The following ASAP1 variants were observed in gnomAD, a reference collection of about 807,000 sequenced individuals.
The protein encoded by ASAP1 is ArfGAP with SH3 domain, ankyrin repeat and PH domain 1, also known as arf-GAP with SH3 domain, ANK repeat and PH domain-containing protein 1.
Under a neutral mutation model 145.2 loss-of-function variants are expected in ASAP1, and 43 were observed. That is an observed-to-expected ratio of 0.30 (90% CI 0.23 to 0.38). The LOEUF (loss-of-function observed/expected upper bound fraction) is 0.38. ASAP1 is among the 10% of genes least tolerant of loss of function. The probability of loss-of-function intolerance (pLI) is 1.00; values close to 1 mark genes in which losing one functional copy is unlikely to be tolerated. For missense variants in ASAP1, 1,018 were observed against 1,355.3 expected (o/e 0.75, Z 3.91); for synonymous variants, 546 against 515.5 (o/e 1.06, Z -0.80).
intron 1 of ASAP1, among the ~76,000 whole-genome samples, chr8:130,415,256 G>T (rs1829426621): frequency 6.6e-6 from 1 of 151,352 alleles, no homozygotes; most frequent in African/African-American, 2.5e-5. Context: ...ATAGCTTGAG[G>T]CTAGGAGTTC....
intron 3 of ASAP1, among the ~76,000 whole-genome samples, chr8:130,303,300 T>C (rs1455910173): frequency 2.0e-5 from 3 of 152,238 alleles, no homozygotes; most frequent in African/African-American, 4.8e-5. Context: ...CCTAAAATAC[T>C]TTCTTTATAC....
intron 24 of ASAP1, among the ~76,000 whole-genome samples, chr8:130,105,342 C>T (rs2097535208): frequency 6.6e-6 from 1 of 152,160 alleles, no homozygotes; most frequent in South Asian, 2.1e-4. Flanking sequence ...AGGTTATATG[C>T]AAATACTGCA....
At chr8:130,387,710 T>C (rs1452370574) in intron 2 of ASAP1, among the ~76,000 whole-genome samples, 1 of 150,722 alleles carries the variant, frequency 6.6e-6, no homozygotes, top group African/African-American at 2.4e-5. Flanking sequence ...CACTTGTATA[T>C]ATATATGAAA....
chr8:130,289,311 T>C (rs985174429), intron 3 of ASAP1, among the ~76,000 whole-genome samples: 1 of 152,198 alleles, frequency 6.6e-6, no homozygotes, highest in Non-Finnish European at 1.5e-5. Context: ...AACAAAAACA[T>C]GCACAGAAAA....
At chr8:130,425,354 T>C (rs901445605) in intron 1 of ASAP1, among the ~76,000 whole-genome samples, 1 of 148,434 alleles carries the variant, frequency 6.7e-6, no homozygotes, top group Non-Finnish European at 1.5e-5. Flanking sequence ...TATATGTAAA[T>C]AAAAATACAA....
intron 3 of ASAP1, among the ~76,000 whole-genome samples, chr8:130,257,484 C>T (rs1292474014): frequency 6.6e-6 from 1 of 152,044 alleles, no homozygotes; most frequent in East Asian, 1.9e-4. Context: ...ACTTCATAAG[C>T]TTCTGTTTTA....
chr8:130,167,711 CTATTA>C (rs2097682791), intron 10 of ASAP1, 89 bp from the exon 11 acceptor site: 2 of 933,572 alleles, frequency 2.1e-6, no homozygotes, highest in Non-Finnish European at 3.4e-6. Flanking sequence ...CATCAAAATT[CTATTA>C]TATATTTGGT....
chr8:130,437,636 T>G (rs932758757), intron 1 of ASAP1, among the ~76,000 whole-genome samples: 3 of 152,192 alleles, frequency 2.0e-5, no homozygotes, highest in Non-Finnish European at 4.4e-5. Flanking sequence ...TACAATGAAA[T>G]AGGCACACAG....
At chr8:130,155,146 G>A (rs2097655647) in intron 12 of ASAP1, among the ~76,000 whole-genome samples, 1 of 152,076 alleles carries the variant, frequency 6.6e-6, no homozygotes, top group Non-Finnish European at 1.5e-5. Flanking sequence ...ATTTTATTAA[G>A]TCTTTACTCA....
At chr8:130,238,013 C>A (rs569389654) in intron 3 of ASAP1, among the ~76,000 whole-genome samples, 1 of 152,190 alleles carries the variant, frequency 6.6e-6, no homozygotes, top group South Asian at 2.1e-4. Context: ...ATCATCTAAA[C>A]CTCAGAACTT....
At chr8:130,208,105 A>G (rs369115421) in intron 5 of ASAP1, among the ~76,000 whole-genome samples, 2 of 152,366 alleles carry the variant, frequency 1.3e-5, no homozygotes, top group East Asian at 1.9e-4. Flanking sequence ...AAAAAATTAT[A>G]GACTCACCAA....
intron 15 of ASAP1, among the ~76,000 whole-genome samples, chr8:130,132,124 T>C (rs1361931002): frequency 1.3e-5 from 2 of 152,194 alleles, no homozygotes; most frequent in African/African-American, 4.8e-5. Flanking sequence ...TGGAATTCTA[T>C]CTGGGTTCAA....
chr8:130,288,817 A>T (rs1448905315), intron 3 of ASAP1, among the ~76,000 whole-genome samples: 1 of 152,238 alleles, frequency 6.6e-6, no homozygotes, highest in Non-Finnish European at 1.5e-5. Flanking sequence ...GACAAATAAC[A>T]ATGTCCAATG....
At chr8:130,071,901 TATG>T in intron 27 of ASAP1, among the ~76,000 whole-genome samples, 1 of 152,256 alleles carries the variant, frequency 6.6e-6, no homozygotes, top group East Asian at 1.9e-4. Flanking sequence ...GCTGTGGTGC[TATG>T]ATATGTATTA....
At chr8:130,080,065 G>A (rs964928263) in intron 25 of ASAP1, 94 bp from the exon 26 acceptor site, 28 of 1,134,096 alleles carry the variant, frequency 2.5e-5, no homozygotes, top group East Asian at 4.8e-5. Flanking sequence ...CATTGCTCAG[G>A]TTCCAGAACG....
intron 3 of ASAP1, among the ~76,000 whole-genome samples, chr8:130,266,399 G>C (rs1005967681): frequency 7.2e-5 from 11 of 152,070 alleles, no homozygotes; most frequent in South Asian, 6.2e-4. Context: ...GTGGTTGTAG[G>C]GGGGAGGGTT....
intron 3 of ASAP1, among the ~76,000 whole-genome samples, chr8:130,315,357 G>A (rs1823604025): frequency 6.6e-6 from 1 of 152,158 alleles, no homozygotes; most frequent in Non-Finnish European, 1.5e-5. Flanking sequence ...TCAGGGATGA[G>A]AGTTGAGATC....
At position 130,092,094 on chromosome 8, in the gene ASAP1, A is replaced by C; in HGVS notation, c.2451T>G (p.Ser817Arg). The change falls in exon 25 of 30, where the codon AGT becomes AGG. Residue 817 changes from serine (S) to arginine (R), a missense_variant. Coordinates refer to ENST00000518721, the MANE Select transcript of ASAP1 (RefSeq NM_018482.4). The part of the protein sequence containing the change: ...STLPLSTQTS[S>R]GSSTLSKKRP... ...TCTTCTTGGATAGGGTGGAGCTGCC[A>C]CTAGAGGTCTGGGTGCTTAGAGGGA... The C allele has an allele frequency of 6.4e-7, 1 of 1,569,608 alleles. No homozygotes were observed. The highest frequency in any genetic ancestry group is 1.7e-4 in the Middle Eastern group (1 of 5,914).
chr8:130,145,589 T>C (rs900151860), intron 13 of ASAP1, among the ~76,000 whole-genome samples: 1 of 152,204 alleles, frequency 6.6e-6, no homozygotes, highest in African/African-American at 2.4e-5. Flanking sequence ...GAGGCTTTTA[T>C]TAGCCTCACA....
Sources: gnomAD v4.1 joint callset for allele counts (sites outside exome capture counted in the v4.1 genomes callset) on GRCh38, gnomAD v4.1.1 for gene constraint, MANE v1.5 for transcripts, NCBI Gene and HGNC (gene_info 2026-07-23, HGNC 2026-07-21) for gene names.